The following DPH6 variants were observed in gnomAD, a reference collection of about 807,000 sequenced individuals.
DPH6 encodes diphthine--ammonia ligase.
DPH6 carries 33 observed loss-of-function variants against 38.2 expected under a neutral mutation model. That is an observed-to-expected ratio of 0.86 (90% CI 0.65 to 1.15). DPH6 has a LOEUF of 1.15. Ranked by LOEUF, DPH6 falls within the 50% of genes most tolerant of loss-of-function variation. The pLI is 0.00. For missense variants in DPH6, 325 were observed against 320.0 expected (o/e 1.02, Z -0.12); for synonymous variants, 108 against 103.0 (o/e 1.05, Z -0.30).
At chr15:35,435,436 G>A (rs2141042649) in intron 5 of DPH6, among the ~76,000 whole-genome samples, 1 of 152,312 alleles carries the variant, frequency 6.6e-6, no homozygotes, top group Non-Finnish European at 1.5e-5. Flanking sequence ...ACCTGCACAG[G>A]GTTTTGCCTG....
chr15:35,244,350 A>G (rs557619084), intron 3 of DPH6, among the ~76,000 whole-genome samples: 3 of 152,346 alleles, frequency 2.0e-5, no homozygotes, highest in East Asian at 3.9e-4. Flanking sequence ...GCACGTTAGT[A>G]TAAAATCTTT....
chr15:35,357,104 G>A (rs976776685), intron 3 of DPH6, among the ~76,000 whole-genome samples: 3 of 152,248 alleles, frequency 2.0e-5, no homozygotes, highest in Admixed American at 1.3e-4. Flanking sequence ...ATAATCTCCT[G>A]TTGTGCCGTT....
the DPH6 span, among the ~76,000 whole-genome samples, chr15:35,183,316 G>A: frequency 6.6e-6 from 1 of 152,134 alleles, no homozygotes; most frequent in African/African-American, 2.4e-5. Flanking sequence ...GCAGGGACTG[G>A]GCACCAAGCT....
intron 3 of DPH6, among the ~76,000 whole-genome samples, chr15:35,279,640 C>G (rs538615714): frequency 6.6e-6 from 1 of 152,102 alleles, no homozygotes; most frequent in African/African-American, 2.4e-5. Flanking sequence ...TGCACCTGCT[C>G]CCCTTTGCCT....
At chr15:35,177,112 T>C in the DPH6 span, among the ~76,000 whole-genome samples, 3 of 152,174 alleles carry the variant, frequency 2.0e-5, no homozygotes, top group African/African-American at 7.2e-5. Flanking sequence ...GGTTAATCCA[T>C]TTCCACCAAC....
At chr15:35,396,222 G>C (rs2053129964) in intron 6 of DPH6, 1 of 152,120 alleles carries the variant, frequency 6.6e-6, no homozygotes, top group South Asian at 2.1e-4. Context: ...TCCTTTGTCA[G>C]CTTTATCAAT....
the DPH6 span, among the ~76,000 whole-genome samples, chr15:35,184,544 T>TAA: frequency 1.4e-5 from 2 of 145,966 alleles, no homozygotes; most frequent in South Asian, 2.2e-4. Flanking sequence ...GACGTTGACC[T>TAA]AAAAAAAAAA....
chr15:35,425,856 C>T (rs2053564291), intron 5 of DPH6, among the ~76,000 whole-genome samples: 1 of 147,552 alleles, frequency 6.8e-6, no homozygotes, highest in South Asian at 2.1e-4. Context: ...ATATCCTATC[C>T]ATATAACCAG....
chr15:35,159,333 T>C, the DPH6 span, among the ~76,000 whole-genome samples: 1 of 152,046 alleles, frequency 6.6e-6, no homozygotes, highest in Non-Finnish European at 1.5e-5. Flanking sequence ...TCTACAGCTA[T>C]TCTTTCTCTT....
At chr15:35,409,960 A>T (rs2053343952) in intron 6 of DPH6, among the ~76,000 whole-genome samples, 1 of 151,864 alleles carries the variant, frequency 6.6e-6, no homozygotes, top group Non-Finnish European at 1.5e-5. Context: ...ATTTCTAGGC[A>T]TTTGGTACAT....
intron 3 of DPH6, among the ~76,000 whole-genome samples, chr15:35,479,908 A>T (rs2054306777): frequency 6.6e-6 from 1 of 152,066 alleles, no homozygotes; most frequent in South Asian, 2.1e-4. Context: ...CAATACTAGG[A>T]CCCATTCTCT....
chr15:35,206,006 G>A, the DPH6 span, among the ~76,000 whole-genome samples: 1 of 152,078 alleles, frequency 6.6e-6, no homozygotes, highest in African/African-American at 2.4e-5. Flanking sequence ...CTTTAAACAC[G>A]TGCCAGACTT....
At chr15:35,147,709 AT>A in the DPH6 span, among the ~76,000 whole-genome samples, 1 of 152,228 alleles carries the variant, frequency 6.6e-6, no homozygotes, top group Admixed American at 6.5e-5. Flanking sequence ...GTCTGAAATA[AT>A]CTGAATTATC....
In DPH6 at chr15:35,298,100, A is replaced by G. The variant is rs528415340; in HGVS notation, n.200+75421T>C. 5 of 265,594 alleles carry G rather than the reference A, an allele frequency of 1.9e-5. No homozygotes were observed. In the South Asian group the frequency reaches 2.2e-4, roughly 12 times the overall value. The allele number at this position is 265,594 out of a possible 1,614,324, so 16.5% of individuals were successfully genotyped here. A position where few individuals can be genotyped will look rare whatever the true frequency, so the allele number is the denominator to read the frequency against. ...CTATATTAAAAAGCCACAAAATAAA[A>G]AAGGGATCAACCAACATATATCTTA... On this transcript the variant is annotated intron_variant and non_coding_transcript_variant, in intron 3 of 3. Transcript: ENST00000560386.
intron 3 of DPH6, chr15:35,489,547 A>C (rs192253669): frequency 2.0e-6 from 2 of 983,102 alleles, no homozygotes; most frequent in Admixed American, 6.2e-5. Flanking sequence ...GGATGAGTCT[A>C]TATCTTTCTC....
At chr15:35,223,409 G>C (rs1000257942) in intron 3 of DPH6, among the ~76,000 whole-genome samples, 4 of 152,114 alleles carry the variant, frequency 2.6e-5, no homozygotes, top group Admixed American at 6.6e-5. Flanking sequence ...AATGAAGGCC[G>C]GGTGCCCTAG....
intron 5 of DPH6, among the ~76,000 whole-genome samples, chr15:35,439,581 T>C (rs2053760615): frequency 6.6e-6 from 1 of 152,166 alleles, no homozygotes; most frequent in Non-Finnish European, 1.5e-5. Context: ...GCAGATCCAA[T>C]AAAAACCGCT....
intron 5 of DPH6, among the ~76,000 whole-genome samples, chr15:35,424,085 T>C (rs1308429665): frequency 1.3e-5 from 2 of 151,452 alleles, no homozygotes; most frequent in Admixed American, 1.3e-4. Context: ...TTTTTTTTTC[T>C]ATTTTTATAA....
downstream of DPH6, among the ~76,000 whole-genome samples, chr15:35,366,227 C>T (rs1448949786): frequency 1.2e-5 from 1 of 83,896 alleles, no homozygotes; most frequent in African/African-American, 5.4e-5. Flanking sequence ...TTTTAGTCAT[C>T]TTGTGTGTGT....
Sources: gnomAD v4.1 joint callset for allele counts (sites outside exome capture counted in the v4.1 genomes callset) on GRCh38, gnomAD v4.1.1 for gene constraint, MANE v1.5 for transcripts, NCBI Gene and HGNC (gene_info 2026-07-23, HGNC 2026-07-21) for gene names.